Variants in DACH2 observed in about 807,000 individuals in gnomAD.
DACH2 encodes dachshund homolog 2.
A neutral mutation model predicts 35.8 loss-of-function variants in DACH2; 17 were observed. The observed-to-expected ratio is 0.48, with a 90% CI of 0.33 to 0.71. The LOEUF is 0.71. DACH2 is among the 30% of genes least tolerant of loss of function. DACH2 has a pLI of 0.02. For synonymous variants in DACH2, 195 were observed against 177.3 expected (o/e 1.10, Z -0.79); for missense variants, 469 against 472.7 (o/e 0.99, Z 0.07).
intron 3 of DACH2, among the ~76,000 whole-genome samples, chrX:86,595,995 G>A (rs764491572): frequency 6.6e-4 from 73 of 110,933 alleles, no homozygotes; most frequent in African/African-American, 2.3e-3. Flanking sequence ...TTCATTTCAT[G>A]TAAATGTATT....
At chrX:86,216,534 T>C (rs1439559859) in intron 1 of DACH2, among the ~76,000 whole-genome samples, 1 of 111,594 alleles carries the variant, frequency 9.0e-6, no homozygotes, top group Admixed American at 9.6e-5. Context: ...GCAAAAGACA[T>C]GAACTCGTCC....
chrX:86,436,130 T>C (rs1218053157), intron 2 of DACH2, among the ~76,000 whole-genome samples: 3 of 111,006 alleles, frequency 2.7e-5, no homozygotes, highest in Non-Finnish European at 5.7e-5. Flanking sequence ...ATATGAGCAG[T>C]TCCTTTAATT....
intron 3 of DACH2, among the ~76,000 whole-genome samples, chrX:86,540,196 G>T (rs1210929827): frequency 8.9e-6 from 1 of 111,766 alleles, no homozygotes; most frequent in African/African-American, 3.2e-5. Flanking sequence ...CTACTGAGTG[G>T]TTTCTGTCTG....
intron 3 of DACH2, among the ~76,000 whole-genome samples, chrX:86,637,987 G>A (rs910808327): frequency 5.4e-5 from 6 of 111,625 alleles, no homozygotes; most frequent in African/African-American, 2.0e-4. Flanking sequence ...AAGGGCAGAG[G>A]TATCACAATA....
intron 2 of DACH2, among the ~76,000 whole-genome samples, chrX:86,415,938 G>A (rs1254692961): frequency 9.0e-6 from 1 of 111,683 alleles, no homozygotes; most frequent in African/African-American, 3.3e-5. Flanking sequence ...AGGAAGAAAA[G>A]GTACTCATTG....
At chrX:86,191,079 A>G (rs1422736845) in intron 1 of DACH2, among the ~76,000 whole-genome samples, 3 of 112,315 alleles carry the variant, frequency 2.7e-5, no homozygotes, top group African/African-American at 9.7e-5. Flanking sequence ...TGATTTCTCA[A>G]ATAACTTAAA....
chrX:86,831,934 A>G, intron 11 of DACH2, 172 bp from the exon 12 acceptor site: 1 of 403,213 alleles, frequency 2.5e-6, no homozygotes. Context: ...GGATCTTTGA[A>G]AACTGACAGA....
intron 4 of DACH2, among the ~76,000 whole-genome samples, chrX:86,670,970 C>T (rs1356944198): frequency 8.9e-6 from 1 of 111,833 alleles, no homozygotes; most frequent in African/African-American, 3.3e-5. Flanking sequence ...TCGCTAGTGA[C>T]ACATATAAAC....
At chrX:86,676,619 C>A (rs1047916402) in intron 4 of DACH2, among the ~76,000 whole-genome samples, 1 of 111,587 alleles carries the variant, frequency 9.0e-6, no homozygotes, top group Non-Finnish European at 1.9e-5. Context: ...TTTAAATAGA[C>A]ATATGTGTCC....
At chrX:86,501,123 G>A (rs752056835) in intron 2 of DACH2, among the ~76,000 whole-genome samples, 44 of 112,205 alleles carry the variant, frequency 3.9e-4, no homozygotes, top group South Asian at 1.5e-3. Flanking sequence ...TATTCTAAAT[G>A]CTTGCTTAAC....
chrX:86,449,946 T>A (rs2037341840), intron 2 of DACH2, among the ~76,000 whole-genome samples: 1 of 111,937 alleles, frequency 8.9e-6, no homozygotes, highest in Admixed American at 9.6e-5. Flanking sequence ...AGTATTCTTG[T>A]CTATGTATAT....
In DACH2 at chrX:86,391,643, C is replaced by T. The variant is rs376738991; in HGVS notation, c.527+14781C>T. Among the ~76,000 whole-genome samples, 6 of 111,193 alleles carry T rather than the reference C, an allele frequency of 5.4e-5. No individual in the cohort carries two copies. In the East Asian group the frequency reaches 8.5e-4, roughly 16 times the overall value. ...AAAATCCATAGTACTCATTTCCTTA[C>T]GAACATCACATAACCAATTACATAA... is the stretch of plus-strand genomic sequence containing the variant. On this transcript the variant is annotated intron_variant, in intron 2 of 11. Coordinates refer to ENST00000373125, the MANE Select transcript of DACH2 (RefSeq NM_053281.3).
chrX:86,631,035 G>A (rs1170500338), intron 3 of DACH2, among the ~76,000 whole-genome samples: 2 of 111,915 alleles, frequency 1.8e-5, no homozygotes, highest in Non-Finnish European at 3.8e-5. Context: ...ATTCACTGAC[G>A]TGTAGCAAAA....
chrX:86,474,673 G>A (rs899024829), intron 2 of DACH2, among the ~76,000 whole-genome samples: 7 of 111,893 alleles, frequency 6.3e-5, no homozygotes, highest in African/African-American at 1.9e-4. Context: ...TGTGTGTGTG[G>A]AGTTGTTTCT....
chrX:86,300,055 T>C (rs752106184), intron 1 of DACH2, among the ~76,000 whole-genome samples: 2 of 111,514 alleles, frequency 1.8e-5, no homozygotes, highest in Non-Finnish European at 3.8e-5. Context: ...TCAAGTCCTC[T>C]GTTTCAGTTG....
intron 7 of DACH2, among the ~76,000 whole-genome samples, chrX:86,797,183 TAAGAG>T (rs1198560445): frequency 9.0e-6 from 1 of 110,874 alleles, no homozygotes; most frequent in Non-Finnish European, 1.9e-5. Context: ...TTGGGAAAGA[TAAGAG>T]GAGAAAATGA....
chrX:86,659,903 T>C (rs1232903930), intron 4 of DACH2, among the ~76,000 whole-genome samples: 1 of 110,556 alleles, frequency 9.0e-6, no homozygotes, highest in Non-Finnish European at 1.9e-5. Context: ...CCTGAATCTG[T>C]TGCTCTCATA....
intron 7 of DACH2, among the ~76,000 whole-genome samples, chrX:86,775,477 G>T (rs2042023176): frequency 1.8e-5 from 2 of 111,516 alleles, no homozygotes; most frequent in African/African-American, 6.5e-5. Flanking sequence ...CTCCTTACGA[G>T]AATCTAACTA....
Position 86,491,825 on chromosome X carries a change from C to A in DACH2, c.528-22454C>A, listed in dbSNP as rs372924650. Among the ~76,000 whole-genome samples the A allele has an allele frequency of 1.5e-4, 17 of 111,703 alleles. 1 individual carries two copies. In the South Asian group the frequency reaches 3.4e-3, roughly 22 times the overall value. ...TACCTGCTGGGTGACCTTTAACTGA[C>A]AACTCACCTTTCTTGGCTTTCAGTA... is the stretch of plus-strand genomic sequence containing the variant. On this transcript the variant is annotated intron_variant, in intron 2 of 11. Transcript: ENST00000373125.
Sources: gnomAD v4.1 joint callset for allele counts (sites outside exome capture counted in the v4.1 genomes callset) on GRCh38, gnomAD v4.1.1 for gene constraint, MANE v1.5 for transcripts, NCBI Gene and HGNC (gene_info 2026-07-23, HGNC 2026-07-21) for gene names.